The following TFEC variants were observed in gnomAD, a reference collection of about 807,000 sequenced individuals.
TFEC encodes class E basic helix-loop-helix protein 34.
In TFEC, 31 loss-of-function variants were observed where a neutral mutation model predicts 41.6. The observed-to-expected ratio is 0.74, with a 90% CI of 0.56 to 1.01. TFEC has a LOEUF of 1.01. Among genes scored for constraint, TFEC ranks in the 50% least tolerant of loss-of-function variants. The pLI is 0.00. For missense variants in TFEC, 402 were observed against 404.1 expected, an observed-to-expected ratio of 0.99 and a Z score of 0.04; for synonymous variants, 143 against 140.6, an observed-to-expected ratio of 1.02 and a Z score of -0.12.
intron 3 of TFEC, among the ~76,000 whole-genome samples, chr7:116,054,008 C>A (rs530564631): frequency 6.6e-6 from 1 of 152,224 alleles, no homozygotes; most frequent in East Asian, 1.9e-4. Flanking sequence ...TAAACTGATG[C>A]AGAATGATTT....
chr7:116,006,868 G>A (rs1183856715), intron 1 of TFEC, among the ~76,000 whole-genome samples: 1 of 152,134 alleles, frequency 6.6e-6, no homozygotes, highest in East Asian at 1.9e-4. Flanking sequence ...TCTCATGATA[G>A]TGAGTAAGTC....
chr7:116,070,650 T>A (rs1399914704), intron 3 of TFEC, among the ~76,000 whole-genome samples: 3 of 151,480 alleles, frequency 2.0e-5, no homozygotes, highest in African/African-American at 7.2e-5. Context: ...TCTCTTTTAA[T>A]ATACATCACA....
At chr7:115,995,540 G>A (rs940169165) in intron 1 of TFEC, among the ~76,000 whole-genome samples, 15 of 152,086 alleles carry the variant, frequency 9.9e-5, no homozygotes, top group South Asian at 2.1e-4. Context: ...GAAGATGGCC[G>A]AATAGAAACC....
intron 2 of TFEC, among the ~76,000 whole-genome samples, chr7:115,979,098 C>T (rs1793511515): frequency 1.3e-5 from 2 of 152,124 alleles, no homozygotes; most frequent in African/African-American, 4.8e-5. Flanking sequence ...GTCTCACTTT[C>T]TCACACCCAC....
intron 1 of TFEC, among the ~76,000 whole-genome samples, chr7:116,127,156 C>T (rs1486549163): frequency 2.0e-5 from 3 of 150,840 alleles, no homozygotes; most frequent in Non-Finnish European, 3.0e-5. Context: ...AGTGCAGTGG[C>T]GCGATCTCGG....
intron 3 of TFEC, among the ~76,000 whole-genome samples, chr7:116,056,849 G>A (rs1796442211): frequency 6.6e-6 from 1 of 151,806 alleles, no homozygotes; most frequent in Non-Finnish European, 1.5e-5. Flanking sequence ...ATAATAAAGA[G>A]AACTATCAAA....
At chr7:116,049,937 T>C (rs943391358) in intron 3 of TFEC, among the ~76,000 whole-genome samples, 3 of 152,128 alleles carry the variant, frequency 2.0e-5, no homozygotes, top group East Asian at 1.9e-4. Flanking sequence ...CCAATGAGAA[T>C]GAAGACACAA....
At chr7:116,091,056 T>A (rs1049284470) in intron 3 of TFEC, among the ~76,000 whole-genome samples, 2 of 152,058 alleles carry the variant, frequency 1.3e-5, no homozygotes, top group Admixed American at 1.3e-4. Flanking sequence ...ATGGCACATG[T>A]GTACCTATGT....
At chr7:116,047,815 G>A (rs1202737164) in intron 3 of TFEC, among the ~76,000 whole-genome samples, 2 of 152,104 alleles carry the variant, frequency 1.3e-5, no homozygotes, top group South Asian at 4.1e-4. Context: ...CCAGAGGAAG[G>A]ATCAGGCAGC....
At chr7:116,015,463 G>A (rs748279539) in intron 1 of TFEC, among the ~76,000 whole-genome samples, 5 of 152,102 alleles carry the variant, frequency 3.3e-5, no homozygotes, top group Non-Finnish European at 5.9e-5. Context: ...GGAAGTACAA[G>A]CACTACCCTA....
intron 3 of TFEC, among the ~76,000 whole-genome samples, chr7:116,107,242 C>A (rs886172371): frequency 2.3e-4 from 35 of 152,050 alleles, no homozygotes; most frequent in Non-Finnish European, 1.2e-4. Flanking sequence ...TCTGTACAAC[C>A]CCTTTTGCCT....
intron 3 of TFEC, among the ~76,000 whole-genome samples, chr7:116,076,747 T>G (rs913336094): frequency 6.6e-6 from 1 of 152,008 alleles, no homozygotes; most frequent in African/African-American, 2.4e-5. Context: ...TATTTAAAAA[T>G]GAACAAAGCC....
At chr7:116,136,941 T>C (rs960712865) in intron 1 of TFEC, among the ~76,000 whole-genome samples, 2 of 152,112 alleles carry the variant, frequency 1.3e-5, no homozygotes, top group Non-Finnish European at 2.9e-5. Context: ...AAATCTCTTC[T>C]CAATGAAGTA....
chr7:116,046,694 G>A (rs544555879), intron 3 of TFEC, among the ~76,000 whole-genome samples: 33 of 152,264 alleles, frequency 2.2e-4, no homozygotes, highest in Non-Finnish European at 2.9e-4. Flanking sequence ...GTTTTATACC[G>A]TAAGTTCTAA....
chr7:116,076,385 T>C (rs955416568), intron 3 of TFEC, among the ~76,000 whole-genome samples: 2 of 151,756 alleles, frequency 1.3e-5, no homozygotes, highest in Non-Finnish European at 2.9e-5. Context: ...CCCCAAAAGA[T>C]CACACCAGCT....
At chr7:116,097,734 T>C (rs577421335) in intron 3 of TFEC, among the ~76,000 whole-genome samples, 1 of 152,106 alleles carries the variant, frequency 6.6e-6, no homozygotes, top group Non-Finnish European at 1.5e-5. Context: ...CGGTTAACCA[T>C]GGATAACCGA....
intron 1 of TFEC, among the ~76,000 whole-genome samples, chr7:116,016,722 A>G (rs542710226): frequency 6.6e-6 from 1 of 151,892 alleles, no homozygotes; most frequent in African/African-American, 2.4e-5. Flanking sequence ...TAGTTATAGT[A>G]TATGCATACA....
At chr7:116,064,290 C>T (rs574334227) in intron 3 of TFEC, among the ~76,000 whole-genome samples, 1 of 151,504 alleles carries the variant, frequency 6.6e-6, no homozygotes, top group East Asian at 1.9e-4. Flanking sequence ...TGGAGCCATT[C>T]TTCCATATAT....
At chr7:116,102,129 A>T (rs1366617364) in intron 3 of TFEC, among the ~76,000 whole-genome samples, 1 of 152,136 alleles carries the variant, frequency 6.6e-6, no homozygotes, top group Non-Finnish European at 1.5e-5. Flanking sequence ...TATAACCTCA[A>T]ATTTTTCTAT....
Sources: gnomAD v4.1 joint callset for allele counts (sites outside exome capture counted in the v4.1 genomes callset) on GRCh38, gnomAD v4.1.1 for gene constraint, MANE v1.5 for transcripts, NCBI Gene and HGNC (gene_info 2026-07-23, HGNC 2026-07-21) for gene names.